Variants in WWOX observed in about 807,000 individuals in gnomAD.
The protein encoded by WWOX is WW domain-containing oxidoreductase.
Under a neutral mutation model 46.2 loss-of-function variants are expected in WWOX, and 69 were observed. The observed-to-expected ratio is 1.49, with a 90% CI of 1.23 to 1.82. The LOEUF is 1.82. Ranked by LOEUF, WWOX falls within the 40% of genes most tolerant of loss-of-function variation. The pLI, the probability that WWOX is intolerant of heterozygous loss-of-function variation, is 0.00. For missense variants in WWOX, 919 were observed against 542.6 expected, an observed-to-expected ratio of 1.69 and a Z score of -6.89; for synonymous variants, 359 against 202.6, an observed-to-expected ratio of 1.77 and a Z score of -6.56.
chr16:78,197,381 A>G (rs183048415), intron 5 of WWOX, among the ~76,000 whole-genome samples: 1 of 152,340 alleles, frequency 6.6e-6, no homozygotes, highest in Non-Finnish European at 1.5e-5. Context: ...CACCACATCA[A>G]GTATAATGGA....
chr16:78,687,290 T>G (rs898893205), intron 8 of WWOX, among the ~76,000 whole-genome samples: 1 of 152,212 alleles, frequency 6.6e-6, no homozygotes, highest in African/African-American at 2.4e-5. Context: ...GTCGTAATTC[T>G]AATTTAAAAT....
At chr16:79,050,657 T>G (rs2048149231) in intron 8 of WWOX, among the ~76,000 whole-genome samples, 1 of 152,138 alleles carries the variant, frequency 6.6e-6, no homozygotes, top group Non-Finnish European at 1.5e-5. Flanking sequence ...TGAGGAATTT[T>G]AAGAACAGGA....
At chr16:78,677,675 T>A (rs578210897) in intron 8 of WWOX, among the ~76,000 whole-genome samples, 1 of 152,310 alleles carries the variant, frequency 6.6e-6, no homozygotes, top group East Asian at 1.9e-4. Flanking sequence ...CCATCTCTGG[T>A]CTCTATCTTA....
At chr16:78,615,656 C>CA (rs1298034275) in intron 8 of WWOX, among the ~76,000 whole-genome samples, 1 of 151,030 alleles carries the variant, frequency 6.6e-6, no homozygotes, top group Non-Finnish European at 1.5e-5. Context: ...ACCCCATTTC[C>CA]AAAAAATAAA....
chr16:78,353,312 G>A lies in WWOX; in HGVS notation c.517-33548G>A, dbSNP rs117388717. Among the ~76,000 whole-genome samples, 14 of 152,312 alleles carry A rather than the reference G, an allele frequency of 9.2e-5. No homozygotes were observed. The East Asian group carries it at 2.7e-3, about 29-fold the overall frequency. On this transcript the variant is annotated intron_variant, in intron 5 of 8. Coordinates refer to ENST00000566780, the MANE Select transcript of WWOX (RefSeq NM_016373.4). Reference sequence around the variant, plus strand: ...ATTAAGGGAAAATCAAGTAAATCGAGAGGTAAAGCACTGTGCAGAAATATT... The same window carrying A: ...ATTAAGGGAAAATCAAGTAAATCGAAAGGTAAAGCACTGTGCAGAAATATT...
intron 8 of WWOX, among the ~76,000 whole-genome samples, chr16:78,889,124 C>G (rs1280716840): frequency 2.6e-5 from 4 of 152,172 alleles, no homozygotes; most frequent in Non-Finnish European, 5.9e-5. Flanking sequence ...GGAGTCGACT[C>G]TGTGTCCCAC....
intron 8 of WWOX, among the ~76,000 whole-genome samples, chr16:78,533,411 T>TA (rs11324963): frequency 1.3e-3 from 192 of 147,180 alleles, no homozygotes; most frequent in African/African-American, 4.0e-3. Flanking sequence ...GTTGATGAGC[T>TA]AAAAAAAAAA....
At chr16:78,751,969 C>G (rs1168490809) in intron 8 of WWOX, among the ~76,000 whole-genome samples, 4 of 151,498 alleles carry the variant, frequency 2.6e-5, no homozygotes, top group Non-Finnish European at 5.9e-5. Flanking sequence ...AAGTGGGCTG[C>G]CACAATACTT....
intron 8 of WWOX, among the ~76,000 whole-genome samples, chr16:78,845,601 G>A (rs961462214): frequency 1.3e-5 from 2 of 152,152 alleles, no homozygotes; most frequent in South Asian, 2.1e-4. Context: ...GCTTTGCTGC[G>A]TAATAGTCCA....
chr16:78,661,425 C>T (rs1055981512), intron 8 of WWOX, among the ~76,000 whole-genome samples: 4 of 152,110 alleles, frequency 2.6e-5, no homozygotes, highest in African/African-American at 4.8e-5. Flanking sequence ...CCTTTCAATA[C>T]ATCACATTGA....
intron 8 of WWOX, among the ~76,000 whole-genome samples, chr16:78,695,165 T>G (rs4888826): frequency 0.51 from 77,935 of 152,076 alleles, 20,498 homozygotes; most frequent in Admixed American, 0.57. Context: ...TGAACATTTG[T>G]TGTCAAAGTA....
At position 78,740,971 on chromosome 16, in the gene WWOX, A is replaced by G. The variant is rs140148660; in HGVS notation, c.1056+308219A>G. ...ATTGTTGGAGAACTGTGCAAATACA[A>G]GCCCTTCTCTTACAGGCCATGGGTC... On this transcript the variant is annotated intron_variant, in intron 8 of 8. Coordinates refer to ENST00000566780, the MANE Select transcript of WWOX (RefSeq NM_016373.4). 2.2e-4 allele frequency among the ~76,000 whole-genome samples: 33 copies of G among 152,240 alleles called. No individual in the cohort carries two copies. The East Asian group carries it at 5.8e-3, about 27-fold the overall frequency.
At chr16:78,174,330 A>T (rs886416122) in intron 5 of WWOX, among the ~76,000 whole-genome samples, 1 of 152,154 alleles carries the variant, frequency 6.6e-6, no homozygotes, top group Non-Finnish European at 1.5e-5. Context: ...ATCTCTTGAG[A>T]CTTATTCACT....
At chr16:79,107,063 G>A (rs1321198373) in intron 8 of WWOX, among the ~76,000 whole-genome samples, 1 of 151,952 alleles carries the variant, frequency 6.6e-6, no homozygotes, top group African/African-American at 2.4e-5. Context: ...CACCCACCTT[G>A]GTCTCCCAAA....
intron 5 of WWOX, among the ~76,000 whole-genome samples, chr16:78,271,673 C>G (rs1567470857): frequency 6.6e-6 from 1 of 152,188 alleles, no homozygotes; most frequent in Non-Finnish European, 1.5e-5. Flanking sequence ...TTGAGTTTAT[C>G]TTTACTTCCT....
At chr16:78,843,050 C>A (rs903953472) in intron 8 of WWOX, among the ~76,000 whole-genome samples, 3 of 149,926 alleles carry the variant, frequency 2.0e-5, no homozygotes, top group African/African-American at 7.3e-5. Context: ...GCAAACATTG[C>A]ACTAATGTTT....
intron 8 of WWOX, among the ~76,000 whole-genome samples, chr16:78,704,276 T>C (rs1462566948): frequency 6.6e-6 from 1 of 152,170 alleles, no homozygotes; most frequent in Non-Finnish European, 1.5e-5. Context: ...CCATAGCGGG[T>C]ATCTCCAAAA....
At chr16:78,925,665 T>C (rs1057299977) in intron 8 of WWOX, among the ~76,000 whole-genome samples, 3 of 152,152 alleles carry the variant, frequency 2.0e-5, no homozygotes, top group Admixed American at 1.3e-4. Context: ...GAGAACCAGG[T>C]TTTTGCATGT....
intron 8 of WWOX, among the ~76,000 whole-genome samples, chr16:79,096,409 C>T (rs1249183220): frequency 2.0e-5 from 3 of 152,116 alleles, no homozygotes; most frequent in Non-Finnish European, 4.4e-5. Flanking sequence ...TGCTCTTCCC[C>T]CTGCTCACTG....
Sources: gnomAD v4.1 joint callset for allele counts (sites outside exome capture counted in the v4.1 genomes callset) on GRCh38, gnomAD v4.1.1 for gene constraint, MANE v1.5 for transcripts, NCBI Gene and HGNC (gene_info 2026-07-23, HGNC 2026-07-21) for gene names.